CCDC148: variants seen among roughly 807,000 people sequenced by gnomAD.
CCDC148 encodes the protein coiled-coil domain-containing protein 148.
A neutral mutation model predicts 85.7 loss-of-function variants in CCDC148; 89 were observed. The observed-to-expected ratio is 1.04, with a 90% CI of 0.87 to 1.24. CCDC148 has a LOEUF of 1.24. CCDC148 is among the 50% of genes most tolerant of loss of function. The pLI is 0.00. For missense variants in CCDC148, 692 were observed against 671.7 expected (o/e 1.03, Z -0.33); for synonymous variants, 230 against 213.9 (o/e 1.08, Z -0.66).
At chr2:158,422,868 T>G (rs754264975) in intron 1 of CCDC148, among the ~76,000 whole-genome samples, 3 of 151,064 alleles carry the variant, frequency 2.0e-5, no homozygotes, top group Non-Finnish European at 4.4e-5. Flanking sequence ...CTTAAGCTAG[T>G]AAGCAACTTC....
chr2:158,324,045 T>C (rs1692647088), intron 7 of CCDC148, among the ~76,000 whole-genome samples: 1 of 150,412 alleles, frequency 6.6e-6, no homozygotes, highest in Non-Finnish European at 1.5e-5. Flanking sequence ...GGTTCCCAAG[T>C]AGCTGGGATT....
chr2:158,204,069 T>C (rs1185290313), intron 11 of CCDC148, among the ~76,000 whole-genome samples: 1 of 152,232 alleles, frequency 6.6e-6, no homozygotes, highest in Non-Finnish European at 1.5e-5. Flanking sequence ...TGGTTTATTC[T>C]AGTTAGATTC....
intron 1 of CCDC148, among the ~76,000 whole-genome samples, chr2:158,420,312 TA>T (rs950857224): frequency 4.7e-5 from 7 of 150,528 alleles, no homozygotes; most frequent in Non-Finnish European, 1.5e-5. Context: ...TCACCAAATG[TA>T]AAAATGTTAA....
intron 1 of CCDC148, among the ~76,000 whole-genome samples, chr2:158,415,660 C>T (rs1213187475): frequency 1.3e-5 from 2 of 152,168 alleles, no homozygotes; most frequent in Non-Finnish European, 2.9e-5. Context: ...TCCCAAAATA[C>T]AATGGGATAT....
chr2:158,398,961 A>G (rs1685651597), intron 1 of CCDC148, among the ~76,000 whole-genome samples: 1 of 152,224 alleles, frequency 6.6e-6, no homozygotes, highest in Non-Finnish European at 1.5e-5. Context: ...CCGATCCCAC[A>G]GAAATACAAA....
intron 1 of CCDC148, among the ~76,000 whole-genome samples, chr2:158,381,410 G>C (rs188810182): frequency 6.6e-6 from 1 of 152,148 alleles, no homozygotes; most frequent in East Asian, 1.9e-4. Flanking sequence ...TAAAACCACA[G>C]TGCAATACCT....
At chr2:158,202,810 C>CA (rs1349125407) in intron 11 of CCDC148, among the ~76,000 whole-genome samples, 1 of 147,588 alleles carries the variant, frequency 6.8e-6, no homozygotes, top group Non-Finnish European at 1.5e-5. Context: ...GCAGGCAATA[C>CA]AAAAAACAGG....
At chr2:158,419,557 TA>T (rs993125099) in intron 1 of CCDC148, among the ~76,000 whole-genome samples, 2 of 152,226 alleles carry the variant, frequency 1.3e-5, no homozygotes, top group African/African-American at 4.8e-5. Context: ...CTCAATTTTT[TA>T]ATTTGTAAAA....
rs192252878 is a variant in CCDC148 at position 158,422,192 on chromosome 2, T to C, written c.25+34223A>G. ...GAGCTGGTACCATTCCTTCTGAAAC[T>C]ATTCCAAATAATAGAAAAAGAGGGA... On this transcript the variant is annotated intron_variant, in intron 1 of 13. Coordinates refer to ENST00000283233, the MANE Select transcript of CCDC148 (RefSeq NM_138803.4). Among the ~76,000 whole-genome samples the C allele has an allele frequency of 7.9e-5, 12 of 152,322 alleles. No individual in the cohort carries two copies. In the South Asian group the frequency reaches 8.3e-4, roughly 11 times the overall value.
At chr2:158,453,256 C>A (rs186559139) in intron 1 of CCDC148, among the ~76,000 whole-genome samples, 21 of 152,228 alleles carry the variant, frequency 1.4e-4, no homozygotes, top group Admixed American at 9.8e-4. Flanking sequence ...TCAAGGGTCA[C>A]AATACAGTAA....
chr2:158,248,169 A>C (rs1252002965), intron 10 of CCDC148, among the ~76,000 whole-genome samples: 1 of 152,162 alleles, frequency 6.6e-6, no homozygotes, highest in Non-Finnish European at 1.5e-5. Context: ...ATTATATGTC[A>C]AAATATCTTA....
chr2:158,256,085 C>G (rs1490611439), intron 9 of CCDC148, among the ~76,000 whole-genome samples: 1 of 151,512 alleles, frequency 6.6e-6, no homozygotes, highest in Non-Finnish European at 1.5e-5. Flanking sequence ...AATAGAAAAA[C>G]AAAAATGAAG....
At chr2:158,352,621 G>C (rs1469950426) in intron 2 of CCDC148, among the ~76,000 whole-genome samples, 1 of 152,094 alleles carries the variant, frequency 6.6e-6, no homozygotes, top group Non-Finnish European at 1.5e-5. Context: ...GAAAGTGATG[G>C]GAAGAATGGA....
intron 1 of CCDC148, among the ~76,000 whole-genome samples, chr2:158,451,241 T>C (rs1353946281): frequency 6.6e-6 from 1 of 152,234 alleles, no homozygotes; most frequent in Non-Finnish European, 1.5e-5. Flanking sequence ...GAATTAGTTG[T>C]ATACTAAATC....
chr2:158,418,711 AT>A (rs56980871), intron 1 of CCDC148, among the ~76,000 whole-genome samples: 22 of 149,616 alleles, frequency 1.5e-4, no homozygotes, highest in South Asian at 1.1e-3. Context: ...AATTATCACT[AT>A]TTTTTTTTTG....
rs180878621 is a variant in CCDC148 at position 158,284,179 on chromosome 2, G to C, written c.1110+25254C>G. Reference sequence around the variant, plus strand: ...TTGGGAGATATACCTAATGCTAGATGACGAGTTAGTGGGTGAAGCGCACCA... The same window carrying C: ...TTGGGAGATATACCTAATGCTAGATCACGAGTTAGTGGGTGAAGCGCACCA... On this transcript the variant is annotated intron_variant, in intron 9 of 13. Coordinates refer to ENST00000283233, the MANE Select transcript of CCDC148 (RefSeq NM_138803.4). 5.9e-3 allele frequency among the ~76,000 whole-genome samples: 900 copies of C among 151,370 alleles called. 4 individuals are homozygous for C. Among genetic ancestry groups the C allele is most frequent in the Non-Finnish European group, 9.9e-3 (674 of 67,852 alleles).
At position 158,172,003 on chromosome 2, in the gene CCDC148, T is replaced by A. The variant is rs1684339246; in HGVS notation, c.*110A>T. The A allele has an allele frequency of 1.2e-6, 1 of 857,196 alleles. No homozygotes were observed. Among genetic ancestry groups the A allele is most frequent in the Non-Finnish European group, 1.7e-6 (1 of 574,160 alleles). 53.1% of individuals were successfully genotyped at this position (857,196 alleles called of 1,614,324 possible). On this transcript the variant is annotated 3_prime_UTR_variant, in exon 14 of 14. Coordinates refer to ENST00000283233, the MANE Select transcript of CCDC148 (RefSeq NM_138803.4). ...GGCAAAGTTGTTTTAATAGATGCTA[T>A]GATTTCTATGTCTGATATTTCAAAC...
intron 9 of CCDC148, among the ~76,000 whole-genome samples, chr2:158,285,924 G>A (rs902351166): frequency 3.3e-5 from 5 of 152,182 alleles, no homozygotes; most frequent in South Asian, 2.1e-4. Context: ...ATTCAATACT[G>A]TAATGGAGGT....
At chr2:158,230,364 A>G (rs1350313491) in intron 10 of CCDC148, among the ~76,000 whole-genome samples, 5 of 152,210 alleles carry the variant, frequency 3.3e-5, no homozygotes, top group African/African-American at 1.2e-4. Context: ...TAAATAGGAC[A>G]TCTGGATGAC....
Sources: gnomAD v4.1 joint callset for allele counts (sites outside exome capture counted in the v4.1 genomes callset) on GRCh38, gnomAD v4.1.1 for gene constraint, MANE v1.5 for transcripts, NCBI Gene and HGNC (gene_info 2026-07-23, HGNC 2026-07-21) for gene names.